The following FGF12 variants were observed in gnomAD, a reference collection of about 807,000 sequenced individuals.
FGF12 encodes fibroblast growth factor 12, also known as fibroblast growth factor 12B.
Under a neutral mutation model 23.6 loss-of-function variants are expected in FGF12, and 14 were observed. The observed-to-expected ratio is 0.59, with a 90% CI of 0.39 to 0.93. The LOEUF is 0.93. Ranked by LOEUF, FGF12 falls within the 40% of genes least tolerant of loss-of-function variation. FGF12 has a pLI of 0.00. For synonymous variants in FGF12, 62 were observed against 77.3 expected (o/e 0.80, Z 1.04); for missense variants, 175 against 217.8 (o/e 0.80, Z 1.24).
intron 2 of FGF12, among the ~76,000 whole-genome samples, chr3:192,456,308 A>G (rs992073659): frequency 2.0e-5 from 3 of 152,240 alleles, no homozygotes; most frequent in African/African-American, 7.2e-5. Flanking sequence ...TTGTTATGCC[A>G]CTGACCAAAC....
At chr3:192,457,816 C>T (rs1017268970) in intron 2 of FGF12, among the ~76,000 whole-genome samples, 4 of 152,128 alleles carry the variant, frequency 2.6e-5, no homozygotes, top group Non-Finnish European at 5.9e-5. Context: ...GGGAAAATGT[C>T]TCCAGGCCAC....
intron 2 of FGF12, among the ~76,000 whole-genome samples, chr3:192,601,086 A>T (rs1225447461): frequency 6.6e-6 from 1 of 152,120 alleles, no homozygotes; most frequent in East Asian, 1.9e-4. Context: ...AGAACATATG[A>T]TATAAATACA....
chr3:192,486,723 A>G (rs1281722369), intron 2 of FGF12, among the ~76,000 whole-genome samples: 1 of 151,982 alleles, frequency 6.6e-6, no homozygotes, highest in Non-Finnish European at 1.5e-5. Context: ...GAGGAGTACA[A>G]GCAGTAGACA....
At chr3:192,702,267 T>C (rs1055559149) in intron 2 of FGF12, among the ~76,000 whole-genome samples, 2 of 152,202 alleles carry the variant, frequency 1.3e-5, no homozygotes, top group African/African-American at 4.8e-5. Context: ...TTTACCTTTC[T>C]ATGGACACTT....
chr3:192,372,579 C>T (rs1004930759), intron 2 of FGF12, among the ~76,000 whole-genome samples: 1 of 152,136 alleles, frequency 6.6e-6, no homozygotes, highest in African/African-American at 2.4e-5. Context: ...CAGTGGGATC[C>T]GGACATTTGG....
intron 3 of FGF12, among the ~76,000 whole-genome samples, chr3:192,337,272 G>A (rs1260730260): frequency 6.6e-6 from 1 of 152,106 alleles, no homozygotes; most frequent in Non-Finnish European, 1.5e-5. Context: ...AAGTATTCAT[G>A]GAATGCCTTA....
At chr3:192,342,738 C>T (rs1450846496) in intron 3 of FGF12, among the ~76,000 whole-genome samples, 1 of 152,148 alleles carries the variant, frequency 6.6e-6, no homozygotes, top group East Asian at 1.9e-4. Flanking sequence ...GATTGCACCA[C>T]TCCACTCCTG....
chr3:192,563,878 T>G (rs1246148729), intron 2 of FGF12, among the ~76,000 whole-genome samples: 1 of 152,172 alleles, frequency 6.6e-6, no homozygotes, highest in Admixed American at 6.5e-5. Context: ...ATTAAATTCA[T>G]TAATTCAAAT....
intron 4 of FGF12, among the ~76,000 whole-genome samples, chr3:192,183,227 A>G (rs1191892619): frequency 6.6e-6 from 1 of 152,074 alleles, no homozygotes; most frequent in South Asian, 2.1e-4. Context: ...CCCCAACAAC[A>G]TGAAGATACC....
At chr3:192,674,747 C>G (rs1717262301) in intron 2 of FGF12, among the ~76,000 whole-genome samples, 1 of 152,126 alleles carries the variant, frequency 6.6e-6, no homozygotes, top group Non-Finnish European at 1.5e-5. Flanking sequence ...AGTTGAGGAA[C>G]AAGACTTTAA....
chr3:192,672,298 A>G (rs1717152219), intron 2 of FGF12, among the ~76,000 whole-genome samples: 1 of 151,246 alleles, frequency 6.6e-6, no homozygotes, highest in Admixed American at 6.6e-5. Context: ...ATTTAAAAAT[A>G]AGATTTTCCT....
At chr3:192,482,190 T>C (rs1273087202) in intron 2 of FGF12, among the ~76,000 whole-genome samples, 1 of 152,184 alleles carries the variant, frequency 6.6e-6, no homozygotes, top group Non-Finnish European at 1.5e-5. Context: ...CTTAGTGTTT[T>C]AGAATTTGAA....
chr3:192,727,430 G>T, intron 1 of FGF12, 54 bp downstream of exon 1: 2 of 1,160,496 alleles, frequency 1.7e-6, no homozygotes, highest in South Asian at 1.6e-5. Context: ...ACGCGCATCT[G>T]ATACTGAAAT....
At position 192,143,075 on chromosome 3, in the gene FGF12, T is replaced by C. The variant is rs1713491630; in HGVS notation, c.*934A>G. 1.3e-5 allele frequency: 2 copies of C among 152,086 alleles called. No homozygotes were observed. The highest frequency in any genetic ancestry group is 2.1e-4 in the South Asian group (1 of 4,818). The allele number at this position is 152,086 out of a possible 1,614,324, so 9.4% of individuals were successfully genotyped here. ...CTCTCAGGTGTCCACACCTGAGACATTGCTTTGTGGATACTCTCAAAGGTG... is the reference window on the plus strand; with the variant it reads ...CTCTCAGGTGTCCACACCTGAGACACTGCTTTGTGGATACTCTCAAAGGTG... On this transcript the variant is annotated 3_prime_UTR_variant, in exon 6 of 6. Transcript: ENST00000445105.
intron 5 of FGF12, among the ~76,000 whole-genome samples, chr3:192,166,554 C>A (rs1396791233): frequency 2.0e-5 from 3 of 152,192 alleles, no homozygotes; most frequent in Admixed American, 1.3e-4. Context: ...TCATTTCTGG[C>A]TTTGCCAATT....
At chr3:192,462,287 T>C (rs113227390) in intron 2 of FGF12, among the ~76,000 whole-genome samples, 3,728 of 152,126 alleles carry the variant, frequency 0.025, 181 homozygotes, top group African/African-American at 0.084. Context: ...TATTGAGAGG[T>C]GAGGTCTTTA....
chr3:192,602,026 C>T (rs1017591670), intron 2 of FGF12, among the ~76,000 whole-genome samples: 7 of 152,046 alleles, frequency 4.6e-5, no homozygotes, highest in African/African-American at 1.7e-4. Context: ...AAGGTGGATA[C>T]ATGTCATTAA....
At chr3:192,479,598 T>C (rs1414593184) in intron 2 of FGF12, among the ~76,000 whole-genome samples, 1 of 152,078 alleles carries the variant, frequency 6.6e-6, no homozygotes, top group Non-Finnish European at 1.5e-5. Flanking sequence ...TCTTGAATGG[T>C]AGGTGTGAGT....
At chr3:192,603,030 A>G (rs1014804744) in intron 2 of FGF12, among the ~76,000 whole-genome samples, 5 of 152,136 alleles carry the variant, frequency 3.3e-5, no homozygotes, top group Admixed American at 1.3e-4. Context: ...TCAAAGGAAC[A>G]TATCTCAAAA....
Sources: gnomAD v4.1 joint callset for allele counts (sites outside exome capture counted in the v4.1 genomes callset) on GRCh38, gnomAD v4.1.1 for gene constraint, MANE v1.5 for transcripts, NCBI Gene and HGNC (gene_info 2026-07-23, HGNC 2026-07-21) for gene names.